The following CNIH3 variants were observed in gnomAD, a reference collection of about 807,000 sequenced individuals.
CNIH3 encodes cornichon family AMPA receptor auxiliary protein 3.
Under a neutral mutation model 24.1 loss-of-function variants are expected in CNIH3, and 14 were observed. The ratio of observed to expected loss-of-function variants is 0.58; its 90% CI spans 0.38 to 0.91. CNIH3 has a LOEUF of 0.91. CNIH3 is among the 40% of genes least tolerant of loss of function. The pLI is 0.00. For missense variants in CNIH3, 178 were observed against 196.8 expected, an observed-to-expected ratio of 0.90 and a Z score of 0.57; for synonymous variants, 68 against 73.8, an observed-to-expected ratio of 0.92 and a Z score of 0.40.
intron 3 of CNIH3, among the ~76,000 whole-genome samples, chr1:224,700,645 G>A (rs1457168999): frequency 1.3e-5 from 2 of 152,180 alleles, no homozygotes; most frequent in African/African-American, 4.8e-5. Flanking sequence ...CAAAAGCAAA[G>A]TTATCCTCAG....
chr1:224,581,917 G>A (rs531565011), intron 4 of CNIH3, among the ~76,000 whole-genome samples: 18 of 152,308 alleles, frequency 1.2e-4, no homozygotes, highest in African/African-American at 4.3e-4. Flanking sequence ...GGTAGCTGCA[G>A]CTGCACATCC....
At chr1:224,560,135 T>C (rs1342237305) in intron 3 of CNIH3, among the ~76,000 whole-genome samples, 1 of 152,184 alleles carries the variant, frequency 6.6e-6, no homozygotes, top group African/African-American at 2.4e-5. Flanking sequence ...TGCTGGACAT[T>C]TGCTTCATAT....
At chr1:224,570,737 A>G (rs1230715388) in intron 4 of CNIH3, among the ~76,000 whole-genome samples, 1 of 152,134 alleles carries the variant, frequency 6.6e-6, no homozygotes, top group Non-Finnish European at 1.5e-5. Context: ...TGTATAAACT[A>G]TTTATACAAC....
intron 1 of CNIH3, among the ~76,000 whole-genome samples, chr1:224,483,468 A>G (rs1676895102): frequency 6.6e-6 from 1 of 151,664 alleles, no homozygotes; most frequent in Non-Finnish European, 1.5e-5. Context: ...GGCTCACCGC[A>G]ACCTCCGCCT....
intron 1 of CNIH3, among the ~76,000 whole-genome samples, chr1:224,494,122 C>T (rs1045532186): frequency 6.6e-6 from 1 of 152,174 alleles, no homozygotes; most frequent in Non-Finnish European, 1.5e-5. Flanking sequence ...TCACAGATGT[C>T]AGGTCAAAAG....
At chr1:224,455,068 A>G (rs567194056) in intron 1 of CNIH3, among the ~76,000 whole-genome samples, 4 of 152,336 alleles carry the variant, frequency 2.6e-5, no homozygotes, top group African/African-American at 9.6e-5. Flanking sequence ...AGCTTAGCCT[A>G]GCCTACCTTA....
intron 4 of CNIH3, among the ~76,000 whole-genome samples, chr1:224,581,252 G>C (rs1196127527): frequency 6.6e-6 from 1 of 152,056 alleles, no homozygotes; most frequent in Non-Finnish European, 1.5e-5. Context: ...TTCCGGTTTT[G>C]ATGGTTTTTT....
downstream of CNIH3, among the ~76,000 whole-genome samples, chr1:224,537,843 TTTA>T (rs1664750377): frequency 6.6e-6 from 1 of 152,224 alleles, no homozygotes; most frequent in African/African-American, 2.4e-5. Context: ...TGTGTGACTA[TTTA>T]TTGTCAGTAC....
intron 5 of CNIH3, among the ~76,000 whole-genome samples, chr1:224,735,235 A>G (rs1265677629): frequency 6.6e-6 from 1 of 152,178 alleles, no homozygotes; most frequent in Non-Finnish European, 1.5e-5. Context: ...TCCCAATATT[A>G]CATAACACCA....
intron 4 of CNIH3, among the ~76,000 whole-genome samples, chr1:224,581,006 G>C (rs1182376426): frequency 6.6e-6 from 1 of 152,162 alleles, no homozygotes; most frequent in African/African-American, 2.4e-5. Context: ...ACATTGTCAG[G>C]GTGAGGGAGG....
intron 1 of CNIH3, among the ~76,000 whole-genome samples, chr1:224,649,316 G>A (rs1357596341): frequency 6.6e-6 from 1 of 152,058 alleles, no homozygotes; most frequent in Non-Finnish European, 1.5e-5. Flanking sequence ...TCCGAGAGCT[G>A]GAAAAGGCAA....
intron 5 of CNIH3, among the ~76,000 whole-genome samples, chr1:224,737,738 T>C (rs912077178): frequency 2.0e-5 from 3 of 152,122 alleles, no homozygotes; most frequent in Non-Finnish European, 4.4e-5. Flanking sequence ...GGTTAAGAAA[T>C]GTGTCTCAGG....
At chr1:224,675,417 G>C (rs1686090457) in intron 1 of CNIH3, among the ~76,000 whole-genome samples, 1 of 152,224 alleles carries the variant, frequency 6.6e-6, no homozygotes, top group African/African-American at 2.4e-5. Context: ...ATTCAAAAGA[G>C]TTCATAGGTT....
At chr1:224,574,137 A>G (rs1680936087) in intron 4 of CNIH3, among the ~76,000 whole-genome samples, 1 of 152,164 alleles carries the variant, frequency 6.6e-6, no homozygotes, top group Non-Finnish European at 1.5e-5. Context: ...TGTAGACTAG[A>G]CTATATGCTA....
In CNIH3 at chr1:224,496,463, C is replaced by T. The variant is rs540632299; in HGVS notation, n.204-19278C>T. ...CCATGTTAGCCTGATACTAGGAGAG[C>T]AAGAAACTGAAGCCTCCTGATTTTC... On this transcript the variant is annotated intron_variant and non_coding_transcript_variant, in intron 1 of 5. Coordinates refer to the CNIH3 transcript ENST00000471578. 4.1e-4 allele frequency among the ~76,000 whole-genome samples: 30 copies of T among 74,068 alleles called. 1 individual carries two copies. The South Asian group carries it at 0.011, about 28-fold the overall frequency. 48.6% of individuals were successfully genotyped at this position (74,068 alleles called of 152,430 possible). A position where few individuals can be genotyped will look rare whatever the true frequency, so the allele number is the denominator to read the frequency against.
chr1:224,481,562 A>G (rs1377104623), intron 1 of CNIH3, among the ~76,000 whole-genome samples: 2 of 152,206 alleles, frequency 1.3e-5, no homozygotes, highest in African/African-American at 4.8e-5. Flanking sequence ...TCTCTAGATT[A>G]CCAGGTAGAG....
intron 1 of CNIH3, among the ~76,000 whole-genome samples, chr1:224,676,032 G>A (rs1368882028): frequency 1.3e-5 from 2 of 152,174 alleles, no homozygotes; most frequent in East Asian, 1.9e-4. Flanking sequence ...TAGATAAAAG[G>A]CCTTGTGTAG....
chr1:224,683,312 TAAAAAC>T (rs1235950763), intron 2 of CNIH3, among the ~76,000 whole-genome samples: 1 of 152,112 alleles, frequency 6.6e-6, no homozygotes, highest in Non-Finnish European at 1.5e-5. Flanking sequence ...TGTCTCAGAT[TAAAAAC>T]AAAAACAAAA....
intron 3 of CNIH3, among the ~76,000 whole-genome samples, chr1:224,562,750 G>T (rs1680424507): frequency 6.6e-6 from 1 of 151,912 alleles, no homozygotes; most frequent in Non-Finnish European, 1.5e-5. Context: ...TCTCTCTCTT[G>T]CCCCGTCCCT....
Sources: allele counts gnomAD v4.1 joint callset (sites outside exome capture counted in the v4.1 genomes callset), GRCh38; gene constraint gnomAD v4.1.1; transcripts MANE v1.5; gene names NCBI Gene and HGNC (gene_info 2026-07-23, HGNC 2026-07-21).